OSBPL8: variants seen among roughly 807,000 people sequenced by gnomAD.
OSBPL8 encodes the protein oxysterol-binding protein-related protein 8.
In OSBPL8, 59 loss-of-function variants were observed where a neutral mutation model predicts 125.5. That is an observed-to-expected ratio of 0.47 (90% confidence interval 0.38 to 0.58). OSBPL8 has a LOEUF of 0.58. OSBPL8 is among the 20% of genes least tolerant of loss of function. The pLI is 0.00. For missense variants in OSBPL8, 758 were observed against 1,047.8 expected (o/e 0.72, Z 3.82); for synonymous variants, 330 against 338.9 (o/e 0.97, Z 0.29).
At chr12:76,548,113 G>A (rs1309642983) in intron 1 of OSBPL8, among the ~76,000 whole-genome samples, 1 of 152,002 alleles carries the variant, frequency 6.6e-6, no homozygotes, top group Non-Finnish European at 1.5e-5. Context: ...AAGATGGGGC[G>A]CTAAATACAA....
chr12:76,365,119 C>A (rs1455919367), intron 21 of OSBPL8, among the ~76,000 whole-genome samples: 1 of 152,056 alleles, frequency 6.6e-6, no homozygotes, highest in Non-Finnish European at 1.5e-5. Flanking sequence ...CCATGCCCAG[C>A]TGATTTTTCT....
At chr12:76,432,566 A>G (rs983870704) in intron 4 of OSBPL8, among the ~76,000 whole-genome samples, 1 of 152,104 alleles carries the variant, frequency 6.6e-6, no homozygotes, top group Non-Finnish European at 1.5e-5. Context: ...GGGCAACAGA[A>G]TGAGACTTTG....
At chr12:76,379,055 G>A (rs939332344) in intron 15 of OSBPL8, among the ~76,000 whole-genome samples, 1 of 152,150 alleles carries the variant, frequency 6.6e-6, no homozygotes, top group Non-Finnish European at 1.5e-5. Flanking sequence ...CCAAAGTGCT[G>A]GGATTACAGG....
chr12:76,450,989 C>G lies in OSBPL8; in HGVS notation c.80-1G>C. The G allele has an allele frequency of 6.2e-7, 1 of 1,611,702 alleles. No homozygotes were observed. Among genetic ancestry groups the G allele is most frequent in the Non-Finnish European group, 8.5e-7 (1 of 1,179,142 alleles). ...GATTCGTCACTGTTTGCTACAACAG[C>G]TCAAGGAAAGAAGGGAAAAATAATT... On this transcript the variant is annotated splice_acceptor_variant, in intron 3 of 23. Coordinates refer to ENST00000261183, the MANE Select transcript of OSBPL8 (RefSeq NM_020841.5). LOFTEE classifies it high-confidence loss of function.
intron 2 of OSBPL8, among the ~76,000 whole-genome samples, chr12:76,463,826 CA>C (rs959934523): frequency 6.6e-6 from 1 of 152,138 alleles, no homozygotes; most frequent in Middle Eastern, 3.2e-3. Context: ...TTGAGGATTA[CA>C]TATCAAATTT....
chr12:76,389,510 A>C, intron 12 of OSBPL8, 135 bp downstream of exon 12: 1 of 651,362 alleles, frequency 1.5e-6, no homozygotes, highest in Non-Finnish European at 2.5e-6. Context: ...GGTCAACCAC[A>C]GAAGTGGTAG....
intron 2 of OSBPL8, among the ~76,000 whole-genome samples, chr12:76,480,669 A>G (rs368990424): frequency 1.3e-5 from 2 of 152,224 alleles, no homozygotes; most frequent in East Asian, 3.8e-4. Context: ...AATTTTCATT[A>G]TTTAGGACTT....
intron 1 of OSBPL8, among the ~76,000 whole-genome samples, chr12:76,487,985 T>C (rs1878334900): frequency 6.6e-6 from 1 of 152,224 alleles, no homozygotes; most frequent in South Asian, 2.1e-4. Context: ...GAAACAGATA[T>C]TCTCATGTAC....
intron 2 of OSBPL8, among the ~76,000 whole-genome samples, chr12:76,460,429 C>T (rs1874576476): frequency 1.3e-5 from 2 of 151,362 alleles, no homozygotes; most frequent in Non-Finnish European, 2.9e-5. Flanking sequence ...TTGTTACATG[C>T]CAAGCATTGT....
chr12:76,465,627 T>C (rs1205307068), intron 2 of OSBPL8, among the ~76,000 whole-genome samples: 1 of 152,106 alleles, frequency 6.6e-6, no homozygotes, highest in Non-Finnish European at 1.5e-5. Context: ...CAACACCATT[T>C]ACAGTAATCT....
intron 11 of OSBPL8, 73 bp from the exon 12 acceptor site, chr12:76,389,902 T>C (rs1953487043): frequency 3.3e-6 from 4 of 1,220,944 alleles, no homozygotes; most frequent in South Asian, 4.6e-5. Flanking sequence ...CCAGCTAATG[T>C]TGAAAATATG....
chr12:76,501,799 C>T (rs1879927659), intron 1 of OSBPL8, among the ~76,000 whole-genome samples: 1 of 152,228 alleles, frequency 6.6e-6, no homozygotes. Flanking sequence ...AGCTAGTTGC[C>T]CAGTGGCAGG....
chr12:76,426,726 A>T (rs1323106811), intron 4 of OSBPL8, among the ~76,000 whole-genome samples: 4 of 152,184 alleles, frequency 2.6e-5, no homozygotes, highest in South Asian at 2.1e-4. Context: ...ATATACATGT[A>T]AATGTTTTTT....
rs117218390 is a variant in OSBPL8, at chr12:76,361,647, G to A, written c.2329-2836C>T. ...TTTGATGTTCAGTTCCACATGACTTGGGAGGTCTATAATCATGGCAGAGGG... is the reference window on the plus strand; with the variant it reads ...TTTGATGTTCAGTTCCACATGACTTAGGAGGTCTATAATCATGGCAGAGGG... On this transcript the variant is annotated intron_variant, in intron 21 of 23. Coordinates refer to ENST00000261183, the MANE Select transcript of OSBPL8 (RefSeq NM_020841.5). Among the ~76,000 whole-genome samples, 256 of 152,254 alleles carry A rather than the reference G, an allele frequency of 1.7e-3. 9 individuals carry two copies. In the East Asian group the frequency reaches 0.043, roughly 25 times the overall value.
At chr12:76,369,605 T>C in intron 20 of OSBPL8, 32 bp downstream of exon 20, 4 of 1,584,806 alleles carry the variant, frequency 2.5e-6, no homozygotes, top group Non-Finnish European at 2.6e-6. Context: ...TGCTAATACA[T>C]TGTTTGAAAT....
chr12:76,478,710 C>T lies in OSBPL8; in HGVS notation c.42+8800G>A, dbSNP rs76161719. Among the ~76,000 whole-genome samples, 377 of 152,094 alleles carry T rather than the reference C, an allele frequency of 2.5e-3. 7 individuals carry two copies. In the East Asian group the frequency reaches 0.042, roughly 17 times the overall value. On this transcript the variant is annotated intron_variant, in intron 2 of 23. Coordinates refer to ENST00000261183, the MANE Select transcript of OSBPL8 (RefSeq NM_020841.5). ...AATAGGTAATACTGAGCAATATATT[C>T]ACACTTAGGAAGTTCAAACAATTAC...
At chr12:76,520,416 C>G (rs1043797682) in intron 1 of OSBPL8, among the ~76,000 whole-genome samples, 5 of 152,142 alleles carry the variant, frequency 3.3e-5, no homozygotes, top group Admixed American at 1.3e-4. Flanking sequence ...TCAGTTTACA[C>G]AAATTAATGT....
intron 1 of OSBPL8, among the ~76,000 whole-genome samples, chr12:76,495,677 A>G (rs1879196245): frequency 6.6e-6 from 1 of 152,182 alleles, no homozygotes; most frequent in Non-Finnish European, 1.5e-5. Context: ...AAGAAGAAAA[A>G]CCACTGAATG....
chr12:76,394,317 T>C, intron 9 of OSBPL8, among the ~76,000 whole-genome samples: 1 of 152,194 alleles, frequency 6.6e-6, no homozygotes. Flanking sequence ...TGGTAACATT[T>C]AGTAGTAAAA....
Sources: allele counts gnomAD v4.1 joint callset (sites outside exome capture counted in the v4.1 genomes callset), GRCh38; gene constraint gnomAD v4.1.1; transcripts MANE v1.5; gene names NCBI Gene and HGNC (gene_info 2026-07-23, HGNC 2026-07-21).